TESC: variants seen among roughly 807,000 people sequenced by gnomAD.
TESC encodes the protein tescalcin, also known as calcineurin B homologous protein 3.
In TESC, 19 loss-of-function variants were observed where a neutral mutation model predicts 31.0. That is an observed-to-expected ratio of 0.61 (90% CI 0.43 to 0.90). The LOEUF (loss-of-function observed/expected upper bound fraction) is 0.90. Among genes scored for constraint, TESC ranks in the 40% least tolerant of loss-of-function variants. The probability of loss-of-function intolerance (pLI) is 0.00; values close to 1 mark genes in which losing one functional copy is unlikely to be tolerated. For missense variants in TESC, 248 were observed against 303.8 expected (o/e 0.82, Z 1.36); for synonymous variants, 109 against 114.8 (o/e 0.95, Z 0.32).
In TESC at chr12:117,099,215, G is replaced by T; in HGVS notation, c.58+10C>A. The T allele has an allele frequency of 1.3e-6, 2 of 1,482,212 alleles. No individual in the cohort carries two copies. The highest frequency in any genetic ancestry group is 1.8e-6 in the Non-Finnish European group (2 of 1,124,022). 91.8% of individuals were successfully genotyped at this position (1,482,212 alleles called of 1,614,324 possible). A position where few individuals can be genotyped will look rare whatever the true frequency, so the allele number is the denominator to read the frequency against. On this transcript the variant is annotated intron_variant, in intron 1 of 7. Coordinates refer to ENST00000335209, the MANE Select transcript of TESC (RefSeq NM_017899.4). ...CCCCGGTCCCCGCGCCGCCCCCCGC[G>T]GGTACTCACAGCCGGTCTTGCCCTC...
chr12:117,059,922 C>T (rs1179736092), intron 2 of TESC, among the ~76,000 whole-genome samples: 1 of 152,062 alleles, frequency 6.6e-6, no homozygotes, highest in African/African-American at 2.4e-5. Context: ...TGCCACAGCA[C>T]GGATATACCT....
At chr12:117,062,209 G>A (rs774906141) in intron 2 of TESC, among the ~76,000 whole-genome samples, 8 of 151,960 alleles carry the variant, frequency 5.3e-5, no homozygotes, top group Non-Finnish European at 1.2e-4. Context: ...AGGTACTTAT[G>A]CCCATTTTAT....
chr12:117,071,635 G>A (rs749777932), intron 2 of TESC, among the ~76,000 whole-genome samples: 1 of 152,210 alleles, frequency 6.6e-6, no homozygotes, highest in Non-Finnish European at 1.5e-5. Flanking sequence ...CTGCCAGGCA[G>A]GCACACTGAG....
rs1955049402 is a variant in TESC at position 117,075,869 on chromosome 12, A to ATATATGTGTG, written c.59-530_59-529insCACACATATA. Among the ~76,000 whole-genome samples, 89 of 31,434 alleles carry ATATATGTGTG rather than the reference A, an allele frequency of 2.8e-3. 1 individual carries two copies. The highest frequency in any genetic ancestry group is 6.9e-3 in the African/African-American group (83 of 12,056). 20.6% of individuals were successfully genotyped at this position (31,434 alleles called of 152,430 possible). On this transcript the variant is annotated intron_variant, in intron 1 of 7. Coordinates refer to ENST00000335209, the MANE Select transcript of TESC (RefSeq NM_017899.4). ...TGTGTATATATATATATATATATAT[A>ATATATGTGTG]TGTGTGTATATATATATATATATAT...
chr12:117,081,424 T>C (rs1200868987), intron 1 of TESC, among the ~76,000 whole-genome samples: 1 of 152,236 alleles, frequency 6.6e-6, no homozygotes, highest in Non-Finnish European at 1.5e-5. Context: ...TATTACATAA[T>C]GTAATTACAT....
intron 1 of TESC, among the ~76,000 whole-genome samples, chr12:117,094,222 T>C (rs754362638): frequency 6.6e-6 from 1 of 152,186 alleles, no homozygotes; most frequent in Non-Finnish European, 1.5e-5. Flanking sequence ...CCGGTTTAAA[T>C]CAATCAATGA....
intron 4 of TESC, among the ~76,000 whole-genome samples, chr12:117,047,666 C>T (rs189877314): frequency 1.3e-4 from 20 of 152,244 alleles, no homozygotes; most frequent in African/African-American, 4.3e-4. Context: ...TCAAATGATC[C>T]ACCCACCTCA....
chr12:117,088,521 A>G (rs1955252522), intron 1 of TESC, among the ~76,000 whole-genome samples: 1 of 152,174 alleles, frequency 6.6e-6, no homozygotes, highest in Admixed American at 6.5e-5. Flanking sequence ...TCTCTACTAA[A>G]AATACAAAAA....
chr12:117,081,936 G>A (rs537833648), intron 1 of TESC, among the ~76,000 whole-genome samples: 3 of 151,512 alleles, frequency 2.0e-5, no homozygotes, highest in Non-Finnish European at 4.4e-5. Context: ...GAAGTTGGGG[G>A]AAATGGGCCA....
In TESC at chr12:117,039,028, A is replaced by G. The variant is rs1954441300; in HGVS notation, c.*105T>C. On this transcript the variant is annotated 3_prime_UTR_variant, in exon 8 of 8. Transcript: ENST00000335209. The stretch of plus-strand genomic sequence containing the variant: ...GTGCGCAGACGAGCCTTGGCTATGT[A>G]CCGGCGCTGCAGGAAGAGGCTGTCC... 1 of 1,273,154 alleles carries G rather than the reference A, an allele frequency of 7.9e-7. No homozygotes were observed. The highest frequency in any genetic ancestry group is 2.0e-5 in the Admixed American group (1 of 50,616). The allele number at this position is 1,273,154 out of a possible 1,614,324, so 78.9% of individuals were successfully genotyped here.
At chr12:117,088,150 G>C (rs897497040) in intron 1 of TESC, among the ~76,000 whole-genome samples, 3 of 152,070 alleles carry the variant, frequency 2.0e-5, no homozygotes. Flanking sequence ...AAACTGAGGA[G>C]GGATGGAACA....
intron 2 of TESC, among the ~76,000 whole-genome samples, chr12:117,065,216 G>C (rs1448469883): frequency 6.6e-6 from 1 of 152,196 alleles, no homozygotes; most frequent in Non-Finnish European, 1.5e-5. Context: ...AGTGAAGACA[G>C]ACACAGGGGA....
intron 2 of TESC, among the ~76,000 whole-genome samples, chr12:117,061,986 G>A (rs976197052): frequency 3.9e-5 from 6 of 152,194 alleles, no homozygotes; most frequent in Non-Finnish European, 8.8e-5. Context: ...ATCCACATAA[G>A]ATGCTGAGTA....
chr12:117,064,092 T>C (rs1954837451), intron 2 of TESC, among the ~76,000 whole-genome samples: 1 of 151,984 alleles, frequency 6.6e-6, no homozygotes. Context: ...ACCCAATTTA[T>C]TTTTGGTAAA....
chr12:117,058,145 G>A (rs751262637), intron 2 of TESC, among the ~76,000 whole-genome samples: 14 of 152,072 alleles, frequency 9.2e-5, no homozygotes, highest in African/African-American at 1.2e-4. Flanking sequence ...GCTTGAATCC[G>A]GGAGGTGGAG....
rs1328547247 is a variant in TESC at position 117,049,259 on chromosome 12, T to C, written c.210-101A>G. 2.6e-6 allele frequency: 4 copies of C among 1,524,178 alleles called. No individual in the cohort carries two copies. The African/African-American group carries it at 5.5e-5, about 21-fold the overall frequency. The allele number at this position is 1,524,178 out of a possible 1,614,324, so 94.4% of individuals were successfully genotyped here. ...AGAACTCCGCTCTCAGGGTGCACAC[T>C]GGACCCACGATGGCTGCTCTCGCCT... On this transcript the variant is annotated intron_variant, in intron 3 of 7. Transcript: ENST00000335209.
chr12:117,087,562 A>T (rs370521866), intron 1 of TESC, among the ~76,000 whole-genome samples: 21 of 152,256 alleles, frequency 1.4e-4, no homozygotes, highest in African/African-American at 4.1e-4. Context: ...AAGGCAACTG[A>T]GAAAGCTGTC....
intron 1 of TESC, among the ~76,000 whole-genome samples, chr12:117,075,873 GTGTATATATA>G (rs1454594710): frequency 1.1e-3 from 25 of 22,242 alleles, no homozygotes; most frequent in Non-Finnish European, 1.2e-3. Context: ...ATATATATGT[GTGTATATATA>G]TATATATATA....
At chr12:117,096,280 C>T (rs1955394065) in intron 1 of TESC, among the ~76,000 whole-genome samples, 1 of 152,148 alleles carries the variant, frequency 6.6e-6, no homozygotes, top group Non-Finnish European at 1.5e-5. Context: ...GTCCTCTGGC[C>T]ACCTTACCCT....
Sources: allele counts gnomAD v4.1 joint callset (sites outside exome capture counted in the v4.1 genomes callset), GRCh38; gene constraint gnomAD v4.1.1; transcripts MANE v1.5; gene names NCBI Gene and HGNC (gene_info 2026-07-23, HGNC 2026-07-21).